SNX29: variants seen among roughly 807,000 people sequenced by gnomAD.
SNX29 encodes sorting nexin-29.
A neutral mutation model predicts 102.1 loss-of-function variants in SNX29; 78 were observed. The ratio of observed to expected loss-of-function variants is 0.76; its 90% CI spans 0.64 to 0.92. SNX29 has a LOEUF of 0.92. Among genes scored for constraint, SNX29 ranks in the 40% least tolerant of loss-of-function variants. The pLI, the probability that SNX29 is intolerant of heterozygous loss-of-function variation, is 0.00. For synonymous variants in SNX29, 580 were observed against 414.5 expected, an observed-to-expected ratio of 1.40 and a Z score of -4.85; for missense variants, 1,280 against 1,061.7, an observed-to-expected ratio of 1.21 and a Z score of -2.86.
chr16:12,470,900 C>T (rs1378882095), intron 18 of SNX29, among the ~76,000 whole-genome samples: 1 of 152,230 alleles, frequency 6.6e-6, no homozygotes, highest in African/African-American at 2.4e-5. Flanking sequence ...AGGCACGACA[C>T]CTCACAACCA....
intron 11 of SNX29, among the ~76,000 whole-genome samples, chr16:12,105,802 A>G (rs942231591): frequency 2.0e-5 from 3 of 152,148 alleles, no homozygotes; most frequent in Non-Finnish European, 4.4e-5. Flanking sequence ...CTTGGAGTGG[A>G]GAGATTAGCT....
intron 2 of SNX29, among the ~76,000 whole-genome samples, chr16:12,002,013 C>A (rs2056306524): frequency 1.8e-5 from 1 of 54,574 alleles, no homozygotes; most frequent in African/African-American, 5.2e-5. Flanking sequence ...GAGAGAGACC[C>A]TATTTTTTTT....
chr16:12,325,927 G>C (rs1302409374), intron 15 of SNX29, among the ~76,000 whole-genome samples: 2 of 152,060 alleles, frequency 1.3e-5, no homozygotes, highest in African/African-American at 4.8e-5. Flanking sequence ...TGTTCAGGGA[G>C]ACTGAGGCAG....
chr16:12,482,418 C>T (rs1392064990), intron 19 of SNX29, among the ~76,000 whole-genome samples: 1 of 152,182 alleles, frequency 6.6e-6, no homozygotes, highest in African/African-American at 2.4e-5. Flanking sequence ...CCTCTTGCTT[C>T]AGCCTCCCAA....
chr16:12,345,733 T>TTA (rs2081778730), intron 15 of SNX29, among the ~76,000 whole-genome samples: 1 of 152,150 alleles, frequency 6.6e-6, no homozygotes, highest in African/African-American at 2.4e-5. Context: ...GTGGGCACAG[T>TTA]GGGAAGGTGG....
chr16:12,228,499 T>A (rs544875840), intron 14 of SNX29, among the ~76,000 whole-genome samples: 1 of 152,358 alleles, frequency 6.6e-6, no homozygotes, highest in South Asian at 2.1e-4. Context: ...CCCCTTTCTT[T>A]ACAACACAGA....
chr16:12,573,891 G>A lies in SNX29; in HGVS notation c.*5262G>A, dbSNP rs2079237778. On this transcript the variant is annotated 3_prime_UTR_variant, in exon 21 of 21. Coordinates refer to ENST00000566228, the MANE Select transcript of SNX29 (RefSeq NM_032167.5). ...TCTTCATCCCTGGCTTAGCCGTCAGGTAGAACGCTTACTCACCTGACACCG... is the reference window on the plus strand; with the variant it reads ...TCTTCATCCCTGGCTTAGCCGTCAGATAGAACGCTTACTCACCTGACACCG... 2 of 206,418 alleles carry A rather than the reference G, an allele frequency of 9.7e-6. No homozygotes were observed. The highest frequency in any genetic ancestry group is 5.9e-5 in the Admixed American group (1 of 16,828). The allele number at this position is 206,418 out of a possible 1,614,324, so 12.8% of individuals were successfully genotyped here.
At chr16:12,439,604 C>T (rs117451008) in intron 18 of SNX29, among the ~76,000 whole-genome samples, 8 of 152,254 alleles carry the variant, frequency 5.3e-5, no homozygotes, top group Admixed American at 1.3e-4. Flanking sequence ...TTCACTACCA[C>T]GAGAACAGTA....
intron 18 of SNX29, among the ~76,000 whole-genome samples, chr16:12,468,712 G>A (rs898436789): frequency 7.2e-5 from 11 of 152,214 alleles, no homozygotes; most frequent in African/African-American, 2.7e-4. Flanking sequence ...CCGGAGCTTG[G>A]TATACAACAG....
chr16:12,171,257 G>A (rs1188025745), intron 13 of SNX29, among the ~76,000 whole-genome samples: 1 of 151,920 alleles, frequency 6.6e-6, no homozygotes, highest in Admixed American at 6.6e-5. Context: ...GACTAAGAGC[G>A]CCAAATGGAA....
intron 14 of SNX29, among the ~76,000 whole-genome samples, chr16:12,209,190 A>G (rs1418431133): frequency 6.6e-6 from 1 of 152,188 alleles, no homozygotes; most frequent in Admixed American, 6.5e-5. Context: ...GGGGTAAAGT[A>G]TAATGTCCTA....
intron 15 of SNX29, among the ~76,000 whole-genome samples, chr16:12,283,466 C>T (rs576007961): frequency 2.1e-4 from 32 of 152,150 alleles, no homozygotes; most frequent in Non-Finnish European, 4.0e-4. Flanking sequence ...ACTACAGGCA[C>T]GCATCACCAT....
At position 12,355,190 on chromosome 16, in the gene SNX29, A is replaced by G. The variant is rs553742430; in HGVS notation, c.1783-973A>G. ...ACATACCCCTTTGGCTATCATTCAT[A>G]TCTTGGCGGATTCTCTTCTGTGAGT... On this transcript the variant is annotated intron_variant, in intron 15 of 20. Coordinates refer to ENST00000566228, the MANE Select transcript of SNX29 (RefSeq NM_032167.5). Among the ~76,000 whole-genome samples, 6 of 152,320 alleles carry G rather than the reference A, an allele frequency of 3.9e-5. No individual in the cohort carries two copies. The South Asian group carries it at 1.2e-3, about 32-fold the overall frequency.
chr16:12,288,755 C>T (rs998499222), intron 15 of SNX29, among the ~76,000 whole-genome samples: 12 of 151,528 alleles, frequency 7.9e-5, no homozygotes, highest in Non-Finnish European at 1.3e-4. Flanking sequence ...TTTTTAGGCA[C>T]TGTGTTAATT....
At chr16:12,484,971 A>T (rs2088154069) in intron 19 of SNX29, among the ~76,000 whole-genome samples, 1 of 152,248 alleles carries the variant, frequency 6.6e-6, no homozygotes, top group Admixed American at 6.5e-5. Context: ...ATAGCACCTG[A>T]CATACCAAGA....
At chr16:12,275,717 C>A (rs566834209) in intron 14 of SNX29, among the ~76,000 whole-genome samples, 3 of 139,354 alleles carry the variant, frequency 2.2e-5, no homozygotes, top group Non-Finnish European at 1.6e-5. Context: ...TGAGCGATGT[C>A]TTTATAAAAA....
intron 20 of SNX29, among the ~76,000 whole-genome samples, chr16:12,537,662 T>C (rs147791477): frequency 5.9e-5 from 9 of 152,216 alleles, no homozygotes; most frequent in Non-Finnish European, 1.3e-4. Flanking sequence ...TTTGCCCTAC[T>C]TCATGTCTTT....
At chr16:12,380,313 C>G (rs1402713917) in intron 16 of SNX29, among the ~76,000 whole-genome samples, 1 of 149,394 alleles carries the variant, frequency 6.7e-6, no homozygotes, top group Admixed American at 6.7e-5. Flanking sequence ...AACCACCCAC[C>G]TATCATCCAC....
rs569920963 is a variant in SNX29 at position 12,286,344 on chromosome 16, ATT to A, written c.1782+8326_1782+8327del. 4.4e-3 allele frequency among the ~76,000 whole-genome samples: 570 copies of A among 128,840 alleles called. 1 individual carries two copies. Among genetic ancestry groups the A allele is most frequent in the African/African-American group, 0.015 (508 of 34,830 alleles). The allele number at this position is 128,840 out of a possible 152,430, so 84.5% of individuals were successfully genotyped here. A position where few individuals can be genotyped will look rare whatever the true frequency, so the allele number is the denominator to read the frequency against. On this transcript the variant is annotated intron_variant, in intron 15 of 20. Transcript: ENST00000566228. ...GACTAACAGGGCTAAACCTCCAAGG[ATT>A]TTTTTTTTTTTTTTTTTGAGATGGA...
Sources: gnomAD v4.1 joint callset for allele counts (sites outside exome capture counted in the v4.1 genomes callset) on GRCh38, gnomAD v4.1.1 for gene constraint, MANE v1.5 for transcripts, NCBI Gene and HGNC (gene_info 2026-07-23, HGNC 2026-07-21) for gene names.